The following AOPEP variants were observed in gnomAD, a reference collection of about 807,000 sequenced individuals.
AOPEP encodes the protein aminopeptidase O (putative), also known as aminopeptidase O.
A neutral mutation model predicts 98.1 loss-of-function variants in AOPEP; 77 were observed. The observed-to-expected ratio is 0.78, with a 90% CI of 0.65 to 0.95. The LOEUF is 0.95. AOPEP is among the 40% of genes least tolerant of loss of function. AOPEP has a pLI of 0.00. For synonymous variants in AOPEP, 346 were observed against 365.3 expected (o/e 0.95, Z 0.60); for missense variants, 1,024 against 1,024.7 (o/e 1.00, Z 0.01).
In AOPEP at chr9:94,752,380, CACACA is replaced by C. The variant is rs1564067948; in HGVS notation, c.-135-7268_-135-7264del. Among the ~76,000 whole-genome samples the C allele has an allele frequency of 8.8e-4, 134 of 152,190 alleles. No individual in the cohort carries two copies. In the East Asian group the frequency reaches 0.013, roughly 15 times the overall value. On this transcript the variant is annotated intron_variant, in intron 1 of 16. Transcript: ENST00000375315. The stretch of plus-strand genomic sequence containing the variant: ...TCTCTCACACACACACACACACACA[CACACA>C]CCCCACATGCATGTACCAGGGAGAA...
Position 94,908,405 on chromosome 9 carries a change from A to G in AOPEP, c.1365-15581A>G, listed in dbSNP as rs1350002477. On this transcript the variant is annotated intron_variant, in intron 5 of 16. Coordinates refer to ENST00000375315, the MANE Select transcript of AOPEP (RefSeq NM_001193329.3). ...AATAAAAGCGGAATGTTCACTTTACACTATCTCCTGGGGGATTTGAAGAAT... is the reference window on the plus strand; with the variant it reads ...AATAAAAGCGGAATGTTCACTTTACGCTATCTCCTGGGGGATTTGAAGAAT... 2.6e-5 allele frequency among the ~76,000 whole-genome samples: 4 copies of G among 152,206 alleles called. No homozygotes were observed. In the East Asian group the frequency reaches 7.7e-4, roughly 29 times the overall value.
At position 95,060,722 on chromosome 9, in the gene AOPEP, T is replaced by TG; in HGVS notation, c.2146dup (p.Glu716GlyfsTer36). Reference sequence around the variant, plus strand: ...CTTCCAGACCAGCTGGTCTTGCTTCTGGAGCATCTCTTGGAGCAGAAGACT... The same window carrying TG: ...CTTCCAGACCAGCTGGTCTTGCTTCTGGGAGCATCTCTTGGAGCAGAAGACT... On this transcript the variant is annotated frameshift_variant, in exon 14 of 17. Transcript: ENST00000375315. LOFTEE classifies it high-confidence loss of function. The TG allele has an allele frequency of 6.2e-7, 1 of 1,614,114 alleles. No individual in the cohort carries two copies. Among genetic ancestry groups the TG allele is most frequent in the Non-Finnish European group, 8.5e-7 (1 of 1,179,930 alleles).
the AOPEP span, among the ~76,000 whole-genome samples, chr9:95,146,329 A>C: frequency 6.6e-6 from 1 of 151,702 alleles, no homozygotes; most frequent in Non-Finnish European, 1.5e-5. Flanking sequence ...TCTACCGAAA[A>C]TACAAAAAAT....
At chr9:95,098,921 C>T in the AOPEP span, 14 of 170,854 alleles carry the variant, frequency 8.2e-5, no homozygotes, top group Admixed American at 3.8e-4. Context: ...GGTTCCCAGG[C>T]CCAGAGGCTA....
intron 7 of AOPEP, chr9:94,932,233 T>C: frequency 1.0e-6 from 1 of 986,168 alleles, no homozygotes; most frequent in Non-Finnish European, 1.2e-6. Context: ...CCAAGCATCT[T>C]TTTTCTTTTA....
intron 5 of AOPEP, among the ~76,000 whole-genome samples, chr9:94,851,078 C>T (rs2135174042): frequency 6.6e-6 from 1 of 152,336 alleles, no homozygotes; most frequent in Admixed American, 6.5e-5. Context: ...AGAAGCGGAG[C>T]TCTGACAGTC....
intron 13 of AOPEP, among the ~76,000 whole-genome samples, chr9:95,057,152 G>A (rs1221563888): frequency 6.6e-6 from 1 of 152,216 alleles, no homozygotes; most frequent in Non-Finnish European, 1.5e-5. Flanking sequence ...GCTTTCTTAG[G>A]TGGTGATGCT....
chr9:95,093,139 T>C, the AOPEP span, among the ~76,000 whole-genome samples: 1 of 151,684 alleles, frequency 6.6e-6, no homozygotes, highest in Non-Finnish European at 1.5e-5. Context: ...GTATCTGCTT[T>C]ACTAAGTTAA....
intron 5 of AOPEP, among the ~76,000 whole-genome samples, chr9:94,895,953 G>A (rs2049497293): frequency 6.6e-6 from 1 of 152,184 alleles, no homozygotes; most frequent in Non-Finnish European, 1.5e-5. Flanking sequence ...ATGAGTAGTT[G>A]TGACAGAGGT....
chr9:95,120,958 GC>G, the AOPEP span, among the ~76,000 whole-genome samples: 2 of 152,036 alleles, frequency 1.3e-5, no homozygotes, highest in African/African-American at 2.4e-5. Context: ...CCCTCTCCTG[GC>G]CCCACACTGC....
At chr9:95,117,772 G>A in the AOPEP span, among the ~76,000 whole-genome samples, 1 of 146,662 alleles carries the variant, frequency 6.8e-6, no homozygotes, top group African/African-American at 2.5e-5. Flanking sequence ...TGCCCAGGCT[G>A]GAGTGCAATG....
intron 13 of AOPEP, among the ~76,000 whole-genome samples, chr9:95,042,407 A>G (rs1415297629): frequency 6.6e-6 from 1 of 152,240 alleles, no homozygotes; most frequent in Non-Finnish European, 1.5e-5. Context: ...TGCACCAAAC[A>G]GGCTAAGAAG....
intron 13 of AOPEP, among the ~76,000 whole-genome samples, chr9:95,023,033 C>T (rs773492430): frequency 3.9e-5 from 6 of 152,122 alleles, no homozygotes; most frequent in African/African-American, 7.2e-5. Context: ...TGCCCCTCAC[C>T]GGCTTTTTCA....
At chr9:95,009,003 C>T (rs1464270929) in intron 13 of AOPEP, among the ~76,000 whole-genome samples, 2 of 151,788 alleles carry the variant, frequency 1.3e-5, no homozygotes, top group Non-Finnish European at 2.9e-5. Flanking sequence ...ATTTCAAGTT[C>T]CTTTCATTTA....
At chr9:94,747,751 G>C (rs1035999953) in intron 1 of AOPEP, among the ~76,000 whole-genome samples, 3 of 152,266 alleles carry the variant, frequency 2.0e-5, no homozygotes, top group African/African-American at 7.2e-5. Flanking sequence ...GGGGAGATAT[G>C]AAAGTGAGCT....
intron 7 of AOPEP, among the ~76,000 whole-genome samples, chr9:94,945,462 A>C (rs570661374): frequency 6.6e-6 from 1 of 152,310 alleles, no homozygotes; most frequent in Non-Finnish European, 1.5e-5. Context: ...TGCATGTGAA[A>C]TAGAAGACCC....
chr9:94,729,545 C>G (rs1020070490), intron 1 of AOPEP, among the ~76,000 whole-genome samples: 7 of 150,452 alleles, frequency 4.7e-5, no homozygotes, highest in Non-Finnish European at 3.0e-5. Context: ...TGCACTCCAG[C>G]CTGGGAGACA....
chr9:94,729,271 A>T (rs1829965644), intron 1 of AOPEP, among the ~76,000 whole-genome samples: 1 of 152,204 alleles, frequency 6.6e-6, no homozygotes, highest in South Asian at 2.1e-4. Flanking sequence ...GAACTATGTT[A>T]TTCTAAAGAT....
intron 5 of AOPEP, among the ~76,000 whole-genome samples, chr9:94,844,120 A>G (rs2042577105): frequency 6.6e-6 from 1 of 152,010 alleles, no homozygotes; most frequent in African/African-American, 2.4e-5. Context: ...CAATGATGCG[A>G]TCTCGGCTCA....
Sources: allele counts gnomAD v4.1 joint callset (sites outside exome capture counted in the v4.1 genomes callset), GRCh38; gene constraint gnomAD v4.1.1; transcripts MANE v1.5; gene names NCBI Gene and HGNC (gene_info 2026-07-23, HGNC 2026-07-21).